The following MYLK4 variants were observed in gnomAD, a reference collection of about 807,000 sequenced individuals.
MYLK4 encodes the protein caMLCK like.
Under a neutral mutation model 48.1 loss-of-function variants are expected in MYLK4, and 46 were observed. The ratio of observed to expected loss-of-function variants is 0.96; its 90% CI spans 0.75 to 1.22. The LOEUF is 1.22. MYLK4 is among the 50% of genes most tolerant of loss of function. The pLI is 0.00. For missense variants in MYLK4, 451 were observed against 486.1 expected, an observed-to-expected ratio of 0.93 and a Z score of 0.68; for synonymous variants, 170 against 180.8, an observed-to-expected ratio of 0.94 and a Z score of 0.48.
intron 2 of MYLK4, among the ~76,000 whole-genome samples, chr6:2,719,085 G>T (rs1455845718): frequency 6.6e-6 from 1 of 152,188 alleles, no homozygotes; most frequent in Admixed American, 6.5e-5. Context: ...GGAAAACGGG[G>T]CGCTCATTTT....
At chr6:2,683,875 A>C (rs1761424056) in intron 6 of MYLK4, among the ~76,000 whole-genome samples, 3 of 152,044 alleles carry the variant, frequency 2.0e-5, no homozygotes, top group Admixed American at 2.0e-4. Context: ...AAGTCTCCAG[A>C]CTGAATTCAG....
intron 2 of MYLK4, among the ~76,000 whole-genome samples, chr6:2,739,838 A>T (rs1361688359): frequency 1.3e-5 from 2 of 152,216 alleles, no homozygotes; most frequent in African/African-American, 4.8e-5. Flanking sequence ...TTTTACAAAG[A>T]ACTTTCACAC....
At chr6:2,694,320 A>C (rs987575066) in intron 2 of MYLK4, among the ~76,000 whole-genome samples, 17 of 149,522 alleles carry the variant, frequency 1.1e-4, no homozygotes, top group Non-Finnish European at 1.8e-4. Context: ...AGAACTCAGC[A>C]CATATCCCCA....
At chr6:2,671,467 G>C in intron 11 of MYLK4, 119 bp from the exon 12 acceptor site, 1 of 914,988 alleles carries the variant, frequency 1.1e-6, no homozygotes, top group Non-Finnish European at 1.7e-6. Flanking sequence ...TTCAAGAGAA[G>C]TTCTTGAAGC....
the MYLK4 span, among the ~76,000 whole-genome samples, chr6:2,761,548 C>T: frequency 6.6e-6 from 1 of 152,204 alleles, no homozygotes; most frequent in Non-Finnish European, 1.5e-5. Context: ...ACAGGACCTA[C>T]TGGGTGCCAG....
intron 2 of MYLK4, among the ~76,000 whole-genome samples, chr6:2,743,643 C>G (rs998751410): frequency 3.3e-5 from 5 of 152,146 alleles, no homozygotes; most frequent in African/African-American, 1.2e-4. Context: ...TTATTTTTAG[C>G]TCTCACAAAC....
intron 2 of MYLK4, among the ~76,000 whole-genome samples, chr6:2,694,495 T>TGGC (rs1761945857): frequency 2.6e-5 from 1 of 39,204 alleles, no homozygotes; most frequent in Admixed American, 2.4e-4. Context: ...GTGGTCATGG[T>TGGC]GGTGGTGGTG....
chr6:2,725,426 G>A (rs941543675), intron 2 of MYLK4, among the ~76,000 whole-genome samples: 1 of 151,974 alleles, frequency 6.6e-6, no homozygotes, highest in Non-Finnish European at 1.5e-5. Flanking sequence ...TGATTGCAAT[G>A]ATTGCACTAC....
chr6:2,766,155 C>G, the MYLK4 span: 9 of 1,320,406 alleles, frequency 6.8e-6, no homozygotes, highest in Non-Finnish European at 8.7e-6. Flanking sequence ...GACGGGGACG[C>G]GGACGCGGAC....
chr6:2,694,176 C>T (rs886264460), intron 2 of MYLK4, among the ~76,000 whole-genome samples: 34 of 152,048 alleles, frequency 2.2e-4, no homozygotes, highest in Non-Finnish European at 3.1e-4. Flanking sequence ...AAAGCCAAGG[C>T]TGGAAGTGAG....
At chr6:2,745,071 A>T (rs934560584) in intron 2 of MYLK4, among the ~76,000 whole-genome samples, 2 of 152,134 alleles carry the variant, frequency 1.3e-5, no homozygotes, top group African/African-American at 4.8e-5. Context: ...GGAGGAGGAG[A>T]GCACAGACAA....
At chr6:2,693,934 T>C (rs1761916046) in intron 2 of MYLK4, among the ~76,000 whole-genome samples, 1 of 152,086 alleles carries the variant, frequency 6.6e-6, no homozygotes, top group Non-Finnish European at 1.5e-5. Flanking sequence ...ATTTTTTGTA[T>C]TTTCAGTAGA....
chr6:2,713,973 G>C (rs1762773561), intron 2 of MYLK4, among the ~76,000 whole-genome samples: 1 of 152,212 alleles, frequency 6.6e-6, no homozygotes, highest in Admixed American at 6.5e-5. Context: ...TACCCATTAG[G>C]ATGTCTACTG....
chr6:2,716,944 G>A (rs1582088294), intron 2 of MYLK4, among the ~76,000 whole-genome samples: 1 of 152,206 alleles, frequency 6.6e-6, no homozygotes, highest in East Asian at 1.9e-4. Flanking sequence ...ATAGAAGAAG[G>A]ATTTCTTCAG....
chr6:2,707,225 G>T (rs770419505), intron 2 of MYLK4, among the ~76,000 whole-genome samples: 3 of 152,076 alleles, frequency 2.0e-5, no homozygotes, highest in Non-Finnish European at 4.4e-5. Flanking sequence ...TTTAAGAATA[G>T]TAACTTTTTC....
chr6:2,696,201 G>C (rs965305690), intron 2 of MYLK4, among the ~76,000 whole-genome samples: 2 of 152,182 alleles, frequency 1.3e-5, no homozygotes, highest in Non-Finnish European at 2.9e-5. Context: ...TCTCCACTCT[G>C]TCTGGCTTCC....
chr6:2,737,270 G>A (rs1404685729), intron 2 of MYLK4, among the ~76,000 whole-genome samples: 1 of 152,238 alleles, frequency 6.6e-6, no homozygotes. Context: ...CCGAGATCGT[G>A]CCACCGCACT....
intron 2 of MYLK4, among the ~76,000 whole-genome samples, chr6:2,729,410 G>A (rs182459449): frequency 2.0e-5 from 3 of 152,308 alleles, no homozygotes; most frequent in African/African-American, 7.2e-5. Context: ...CACAGAGATC[G>A]TGGCAAAGGA....
chr6:2,685,381 C>G lies in MYLK4; in HGVS notation c.460G>C (p.Val154Leu). 2 of 1,603,904 alleles carry G rather than the reference C, an allele frequency of 1.2e-6. No homozygotes were observed. Among genetic ancestry groups the G allele is most frequent in the Non-Finnish European group, 1.7e-6 (2 of 1,174,042 alleles). Reference protein sequence around the residue: ...DKEEVKNEISVMNQLDHANLI... With the variant: ...DKEEVKNEISLMNQLDHANLI... ...TTCGCGTGGTCCAGCTGGTTCATGA[C>G]GCTGATCTCGTTCTTCACCTCCTCC... Residue 154 changes from valine (V) to leucine (L), a missense_variant, in exon 6 of 13, where the codon GTC (valine) becomes CTC (leucine). Transcript: ENST00000274643. This position sits in a 1 kb window ranked among gnomAD's most constrained non-coding sequence, Gnocchi z 4.5.
Sources: allele counts gnomAD v4.1 joint callset (sites outside exome capture counted in the v4.1 genomes callset), GRCh38; gene constraint gnomAD v4.1.1; non-coding constraint Gnocchi (gnomAD v3.1); transcripts MANE v1.5; gene names NCBI Gene and HGNC (gene_info 2026-07-23, HGNC 2026-07-21).